TET3: variants seen among roughly 807,000 people sequenced by gnomAD.
TET3 encodes methylcytosine dioxygenase TET3.
In TET3, 19 loss-of-function variants were observed where a neutral mutation model predicts 141.4. The ratio of observed to expected loss-of-function variants is 0.13; its 90% CI spans 0.09 to 0.20. The LOEUF (loss-of-function observed/expected upper bound fraction) is 0.20. TET3 is among the 10% of genes least tolerant of loss of function. TET3 has a pLI of 1.00. For synonymous variants in TET3, 1,043 were observed against 980.9 expected (o/e 1.06, Z -1.18); for missense variants, 1,874 against 2,356.9 (o/e 0.80, Z 4.24).
At chr2:74,026,067 C>T (rs1042991565) in intron 3 of TET3, among the ~76,000 whole-genome samples, 5 of 152,222 alleles carry the variant, frequency 3.3e-5, no homozygotes, top group African/African-American at 1.2e-4. Flanking sequence ...AGAGGTGGGG[C>T]AGGGCCCAGC....
chr2:74,098,576 T>C (rs562517141), intron 10 of TET3, among the ~76,000 whole-genome samples: 53 of 150,840 alleles, frequency 3.5e-4, no homozygotes, highest in Non-Finnish European at 6.9e-4. Context: ...GCACATAGAG[T>C]TTATAATAAA....
chr2:74,058,110 G>A (rs1558755151), intron 4 of TET3, among the ~76,000 whole-genome samples: 1 of 152,182 alleles, frequency 6.6e-6, no homozygotes, highest in Non-Finnish European at 1.5e-5. Flanking sequence ...GAAGAAGCAT[G>A]CCATTACAAA....
At chr2:74,091,569 G>A (rs1319803560) in intron 8 of TET3, among the ~76,000 whole-genome samples, 3 of 152,228 alleles carry the variant, frequency 2.0e-5, no homozygotes, top group Non-Finnish European at 2.9e-5. Flanking sequence ...GGCAGCATCT[G>A]GACATCAGGC....
chr2:74,056,307 T>A (rs910595096), intron 4 of TET3, among the ~76,000 whole-genome samples: 1 of 152,158 alleles, frequency 6.6e-6, no homozygotes, highest in African/African-American at 2.4e-5. Flanking sequence ...TAGTAATGAG[T>A]GGTTTCTTGT....
At chr2:74,072,769 C>T (rs923172280) in intron 4 of TET3, among the ~76,000 whole-genome samples, 1 of 152,160 alleles carries the variant, frequency 6.6e-6, no homozygotes, top group African/African-American at 2.4e-5. Context: ...CCTCCCAGCC[C>T]CTGCGAACCT....
At chr2:74,048,790 T>TAG (rs1298192896) in intron 4 of TET3, among the ~76,000 whole-genome samples, 1 of 152,060 alleles carries the variant, frequency 6.6e-6, no homozygotes, top group East Asian at 1.9e-4. Flanking sequence ...GAGTGGAACT[T>TAG]ACTTGGACTA....
chr2:74,100,923 T>G lies in TET3; in HGVS notation c.4135T>G (p.Ser1379Ala). The G allele has an allele frequency of 6.2e-7, 1 of 1,610,800 alleles. No homozygotes were observed. The highest frequency in any genetic ancestry group is 8.5e-7 in the Non-Finnish European group (1 of 1,178,656). ...LPKAPLLHSVSRDPSPFAQSS... is the reference protein window; with the variant it reads ...LPKAPLLHSVARDPSPFAQSS... Reference sequence around the variant, plus strand: ...CAAGGCCCCCCTACTCCACTCAGTGTCCAGGGACCCCTCCCCCTTTGCCCA... The same window carrying G: ...CAAGGCCCCCCTACTCCACTCAGTGGCCAGGGACCCCTCCCCCTTTGCCCA... Residue 1379 changes from serine (S) to alanine (A), a missense_variant, in exon 12 of 12, where the codon TCC becomes GCC. This residue lies in a region of TET3 where 602 missense variants were observed against 590.2 expected (regional missense o/e 1.02). Transcript: ENST00000409262.
At chr2:74,005,647 G>A (rs919118094) in intron 3 of TET3, among the ~76,000 whole-genome samples, 3 of 152,160 alleles carry the variant, frequency 2.0e-5, no homozygotes, top group African/African-American at 7.2e-5. Flanking sequence ...TCACGAGATG[G>A]GTGCTGGCTG....
rs867446016 is a variant in TET3 at position 74,105,961 on chromosome 2, G to A, written c.*3785G>A. 6.5e-6 allele frequency: 1 copy of A among 153,616 alleles called. No homozygotes were observed. Among genetic ancestry groups the A allele is most frequent in the Admixed American group, 6.5e-5 (1 of 15,270 alleles). The allele number at this position is 153,616 out of a possible 1,614,324, so 9.5% of individuals were successfully genotyped here. On this transcript the variant is annotated 3_prime_UTR_variant, in exon 12 of 12. Coordinates refer to ENST00000409262, the MANE Select transcript of TET3 (RefSeq NM_001287491.2). Reference sequence around the variant, plus strand: ...TTTATGGACTAGGAAGCATTTTTATGAATTGAAATAGTCTAAATAAAATGG... The same window carrying A: ...TTTATGGACTAGGAAGCATTTTTATAAATTGAAATAGTCTAAATAAAATGG...
At position 74,001,963 on chromosome 2, in the gene TET3, G is replaced by A. The variant is rs143080619; in HGVS notation, c.304-1147G>A. 2.8e-3 allele frequency among the ~76,000 whole-genome samples: 433 copies of A among 152,156 alleles called. 4 individuals carry two copies. The highest frequency in any genetic ancestry group is 9.6e-3 in the African/African-American group (399 of 41,506). ...GGATGGGTATGTTCTGGCGGGGCTG[G>A]GGGGTGATCCTAGAGTGAGGTGTGG... On this transcript the variant is annotated intron_variant, in intron 2 of 11. Coordinates refer to ENST00000409262, the MANE Select transcript of TET3 (RefSeq NM_001287491.2).
intron 5 of TET3, among the ~76,000 whole-genome samples, chr2:74,079,584 TTAAA>T (rs1299601888): frequency 1.3e-5 from 2 of 152,336 alleles, no homozygotes; most frequent in Admixed American, 1.3e-4. Context: ...TCAAAGCACT[TTAAA>T]TAATATACTC....
chr2:74,027,654 A>G (rs1011116173), intron 3 of TET3, among the ~76,000 whole-genome samples: 27 of 152,150 alleles, frequency 1.8e-4, no homozygotes, highest in African/African-American at 6.5e-4. Context: ...ACTTAGCATA[A>G]CATTTTCAAG....
chr2:74,097,875 A>G (rs1391234053), intron 10 of TET3, among the ~76,000 whole-genome samples: 3 of 152,184 alleles, frequency 2.0e-5, no homozygotes, highest in East Asian at 3.8e-4. Flanking sequence ...GCCATTTGCT[A>G]TCTCTGAGAA....
rs768400107 is a variant in TET3 at position 74,047,732 on chromosome 2, G to A, written c.1815G>A (p.Lys605=). Residue 605 remains lysine (K), a synonymous_variant, in exon 4 of 12, where the codon AAG becomes AAA. Transcript: ENST00000409262. The stretch of plus-strand genomic sequence containing the variant: ...CTGGGATCAAGCCCAGTGTCCGAAA[G>A]CCCATTCAGATCAAGAAGTCCAGGC... The part of the protein sequence containing the change: ...AAPGIKPSVR[K]PIQIKKSRPR... 1.9e-5 allele frequency: 30 copies of A among 1,613,578 alleles called. No individual in the cohort carries two copies. Among genetic ancestry groups the A allele is most frequent in the Non-Finnish European group, 2.5e-5 (29 of 1,179,782 alleles).
At chr2:74,091,063 A>G (rs1268174071) in intron 8 of TET3, among the ~76,000 whole-genome samples, 1 of 152,166 alleles carries the variant, frequency 6.6e-6, no homozygotes, top group East Asian at 1.9e-4. Flanking sequence ...GGTCCTCATA[A>G]GAAAAAGGAA....
downstream of TET3, among the ~76,000 whole-genome samples, chr2:74,113,172 C>T (rs981731683): frequency 2.6e-5 from 4 of 151,656 alleles, no homozygotes; most frequent in African/African-American, 9.7e-5. Context: ...AGGCAGATCA[C>T]GAGGTAGTTC....
the TET3 span, among the ~76,000 whole-genome samples, chr2:74,132,586 T>A: frequency 6.6e-6 from 1 of 152,216 alleles, no homozygotes; most frequent in South Asian, 2.1e-4. Context: ...AGTGTCTTAC[T>A]TGTTGCCCAG....
Position 73,984,995 on chromosome 2 carries a change from G to C in TET3, c.-587G>C, listed in dbSNP as rs1683924378. On this transcript the variant is annotated 5_prime_UTR_variant, in exon 1 of 12. Transcript: ENST00000409262. This position sits in a 1 kb window ranked among gnomAD's most constrained non-coding sequence, Gnocchi z 5.6. The stretch of plus-strand genomic sequence containing the variant: ...CTTCCTCCTGCGCCGTCCCCTCCTC[G>C]GCCCGGGCGGGGGGCTCCGCGCGCT... 1 of 147,576 alleles carries C rather than the reference G, an allele frequency of 6.8e-6. No homozygotes were observed. The highest frequency in any genetic ancestry group is 2.5e-5 in the African/African-American group (1 of 40,796). The allele number at this position is 147,576 out of a possible 1,614,324, so 9.1% of individuals were successfully genotyped here.
intron 1 of TET3, among the ~76,000 whole-genome samples, chr2:73,985,365 G>A (rs1429973210): frequency 1.4e-5 from 2 of 144,170 alleles, no homozygotes; most frequent in Admixed American, 1.4e-4. Context: ...CTGCGAAGCC[G>A]CCGGAGCGGA....
Sources: allele counts gnomAD v4.1 joint callset (sites outside exome capture counted in the v4.1 genomes callset), GRCh38; gene constraint gnomAD v4.1.1; regional missense constraint gnomAD v4.1.1; non-coding constraint Gnocchi (gnomAD v3.1); transcripts MANE v1.5; gene names NCBI Gene and HGNC (gene_info 2026-07-23, HGNC 2026-07-21).